NEGR1: variants seen among roughly 807,000 people sequenced by gnomAD.
NEGR1 encodes IgLON family member 4.
NEGR1 carries 10 observed loss-of-function variants against 40.9 expected under a neutral mutation model. The observed-to-expected ratio is 0.24, with a 90% CI of 0.15 to 0.42. The LOEUF (loss-of-function observed/expected upper bound fraction) is 0.42. Among genes scored for constraint, NEGR1 ranks in the 10% least tolerant of loss-of-function variants. NEGR1 has a pLI of 1.00. For synonymous variants in NEGR1, 185 were observed against 166.8 expected (o/e 1.11, Z -0.84); for missense variants, 352 against 438.9 (o/e 0.80, Z 1.77).
chr1:71,742,272 GC>G (rs1347521422), intron 3 of NEGR1, among the ~76,000 whole-genome samples: 1 of 152,104 alleles, frequency 6.6e-6, no homozygotes, highest in Non-Finnish European at 1.5e-5. Flanking sequence ...CATGGTGGGG[GC>G]TCTTGGAGCT....
intron 6 of NEGR1, among the ~76,000 whole-genome samples, chr1:71,417,079 C>G (rs555438190): frequency 3.3e-5 from 5 of 152,132 alleles, no homozygotes; most frequent in Non-Finnish European, 7.4e-5. Context: ...ATGTAGCTTC[C>G]CTGAATTATT....
intron 6 of NEGR1, among the ~76,000 whole-genome samples, chr1:71,555,293 G>A (rs1648221049): frequency 6.6e-6 from 1 of 151,484 alleles, no homozygotes; most frequent in African/African-American, 2.4e-5. Context: ...CTTGGAGGTA[G>A]TAATTGGGCT....
chr1:71,812,643 G>T (rs772639835), intron 2 of NEGR1, among the ~76,000 whole-genome samples: 2 of 152,104 alleles, frequency 1.3e-5, no homozygotes, highest in Non-Finnish European at 2.9e-5. Context: ...TTTTTCTAAT[G>T]ATCTGTGATG....
At chr1:71,807,834 G>T (rs996412308) in intron 2 of NEGR1, among the ~76,000 whole-genome samples, 7 of 152,098 alleles carry the variant, frequency 4.6e-5, no homozygotes, top group African/African-American at 1.4e-4. Context: ...CACCAAAAAA[G>T]CTCTGAGATT....
intron 1 of NEGR1, among the ~76,000 whole-genome samples, chr1:72,230,161 C>T (rs963914607): frequency 6.6e-6 from 1 of 152,222 alleles, no homozygotes; most frequent in South Asian, 2.1e-4. Context: ...TTAAATGCTG[C>T]TCCTTCAGAA....
At chr1:72,256,878 C>T (rs1655287049) in intron 1 of NEGR1, among the ~76,000 whole-genome samples, 1 of 152,066 alleles carries the variant, frequency 6.6e-6, no homozygotes, top group Non-Finnish European at 1.5e-5. Context: ...AAATTAAGAT[C>T]TGTGGTTTAA....
At chr1:71,904,551 C>T (rs888754665) in intron 2 of NEGR1, among the ~76,000 whole-genome samples, 3 of 151,996 alleles carry the variant, frequency 2.0e-5, no homozygotes, top group Non-Finnish European at 4.4e-5. Context: ...ATTTGTCATC[C>T]AATATAGGTT....
chr1:71,967,667 CAAAT>C (rs1646221211), intron 1 of NEGR1, among the ~76,000 whole-genome samples: 1 of 152,068 alleles, frequency 6.6e-6, no homozygotes, highest in Non-Finnish European at 1.5e-5. Flanking sequence ...CACGTACACA[CAAAT>C]AAAAATAAGT....
chr1:72,207,947 A>T (rs747209927), intron 1 of NEGR1, among the ~76,000 whole-genome samples: 2 of 151,906 alleles, frequency 1.3e-5, no homozygotes, highest in Non-Finnish European at 3.0e-5. Context: ...GATTATACTG[A>T]TAAAGGTGAC....
At chr1:72,081,914 G>C (rs191726636) in intron 1 of NEGR1, among the ~76,000 whole-genome samples, 9 of 152,090 alleles carry the variant, frequency 5.9e-5, no homozygotes, top group Non-Finnish European at 7.4e-5. Context: ...ACTTTAATGC[G>C]AATGACTGTA....
At chr1:72,094,288 TG>T (rs1018348112) in intron 1 of NEGR1, among the ~76,000 whole-genome samples, 1 of 152,006 alleles carries the variant, frequency 6.6e-6, no homozygotes, top group Non-Finnish European at 1.5e-5. Flanking sequence ...TTATGTTTGG[TG>T]GGGGAGTATG....
intron 6 of NEGR1, among the ~76,000 whole-genome samples, chr1:71,423,616 C>T (rs1364639255): frequency 2.0e-5 from 3 of 152,106 alleles, no homozygotes; most frequent in African/African-American, 7.2e-5. Flanking sequence ...GTGGGAAAAA[C>T]TAGTCTCTTC....
At chr1:71,723,346 CT>C (rs1474888666) in intron 3 of NEGR1, among the ~76,000 whole-genome samples, 1 of 152,050 alleles carries the variant, frequency 6.6e-6, no homozygotes, top group Non-Finnish European at 1.5e-5. Flanking sequence ...TGGCTGGCCC[CT>C]GATAGATTCA....
intron 4 of NEGR1, among the ~76,000 whole-genome samples, chr1:71,616,798 A>G (rs768903923): frequency 2.0e-5 from 3 of 152,220 alleles, no homozygotes; most frequent in Non-Finnish European, 2.9e-5. Context: ...AAAACCAAAC[A>G]TCACTGGAGA....
chr1:71,523,585 G>T (rs1647179344), intron 6 of NEGR1, among the ~76,000 whole-genome samples: 1 of 151,810 alleles, frequency 6.6e-6, no homozygotes, highest in Non-Finnish European at 1.5e-5. Context: ...AAGATGCAAA[G>T]TCGGCTACTG....
intron 6 of NEGR1, among the ~76,000 whole-genome samples, chr1:71,491,263 C>G (rs1646925797): frequency 6.6e-6 from 1 of 151,952 alleles, no homozygotes. Context: ...AGGATGCGCA[C>G]AGGTTATATG....
At chr1:71,684,502 G>T (rs1312839638) in intron 4 of NEGR1, among the ~76,000 whole-genome samples, 1 of 151,480 alleles carries the variant, frequency 6.6e-6, no homozygotes, top group East Asian at 1.9e-4. Flanking sequence ...TTTTGTGTGC[G>T]TGTGTGTGTG....
In NEGR1 at chr1:72,274,546, G is replaced by A; in HGVS notation, c.176+7773C>T. 3 of 736,216 alleles carry A rather than the reference G, an allele frequency of 4.1e-6. No homozygotes were observed. In the East Asian group the frequency reaches 7.4e-5, roughly 18 times the overall value. The allele number at this position is 736,216 out of a possible 1,614,324, so 45.6% of individuals were successfully genotyped here. A position where few individuals can be genotyped will look rare whatever the true frequency, so the allele number is the denominator to read the frequency against. ...GGTATCCCAATGTTTGTTTAAAACT[G>A]ATCCAATTAAACTTTACAGTGAGTC... On this transcript the variant is annotated intron_variant, in intron 1 of 6. Coordinates refer to ENST00000357731, the MANE Select transcript of NEGR1 (RefSeq NM_173808.3).
chr1:71,584,601 G>T (rs1649241966), intron 6 of NEGR1, among the ~76,000 whole-genome samples: 1 of 152,086 alleles, frequency 6.6e-6, no homozygotes. Flanking sequence ...CCCAGACTTT[G>T]CCACCTTATT....
Sources: gnomAD v4.1 joint callset for allele counts (sites outside exome capture counted in the v4.1 genomes callset) on GRCh38, gnomAD v4.1.1 for gene constraint, MANE v1.5 for transcripts, NCBI Gene and HGNC (gene_info 2026-07-23, HGNC 2026-07-21) for gene names.